Variants in ANKDD1A observed in about 807,000 individuals in gnomAD.
The protein encoded by ANKDD1A is ankyrin repeat and death domain-containing protein 1A.
A neutral mutation model predicts 63.5 loss-of-function variants in ANKDD1A; 59 were observed. The observed-to-expected ratio is 0.93, with a 90% CI of 0.75 to 1.15. The LOEUF (loss-of-function observed/expected upper bound fraction) is 1.15, where lower values mean the gene tolerates loss of function less well. Ranked by LOEUF, ANKDD1A falls within the 50% of genes most tolerant of loss-of-function variation. The probability of loss-of-function intolerance (pLI) is 0.00; values close to 1 mark genes in which losing one functional copy is unlikely to be tolerated. For synonymous variants in ANKDD1A, 266 were observed against 263.9 expected (o/e 1.01, Z -0.08); for missense variants, 632 against 656.4 (o/e 0.96, Z 0.41).
At chr15:64,943,935 G>A (rs2085204689) in intron 11 of ANKDD1A, among the ~76,000 whole-genome samples, 1 of 152,228 alleles carries the variant, frequency 6.6e-6, no homozygotes, top group Non-Finnish European at 1.5e-5. Flanking sequence ...ATGTGGGACA[G>A]GGTTTGGGGA....
rs2085083252 is a variant in ANKDD1A, at chr15:64,930,750, G to T, written c.571-72G>T. On this transcript the variant is annotated intron_variant, in intron 6 of 14. Coordinates refer to ENST00000319580, the MANE Select transcript of ANKDD1A (RefSeq NM_182703.6). Reference sequence around the variant, plus strand: ...TGGCACTGACCCAGTGTGCATGGCTGCAGCTCATCACAGGTCTGTGATTCT... The same window carrying T: ...TGGCACTGACCCAGTGTGCATGGCTTCAGCTCATCACAGGTCTGTGATTCT... The T allele has an allele frequency of 8.8e-6, 13 of 1,470,598 alleles. No individual in the cohort carries two copies. In the Admixed American group the frequency reaches 2.6e-4, roughly 29 times the overall value. 91.1% of individuals were successfully genotyped at this position (1,470,598 alleles called of 1,614,324 possible). A position where few individuals can be genotyped will look rare whatever the true frequency, so the allele number is the denominator to read the frequency against.
chr15:64,927,109 C>T (rs976227861), intron 6 of ANKDD1A, 110 bp downstream of exon 6: 3 of 1,093,114 alleles, frequency 2.7e-6, no homozygotes, highest in African/African-American at 1.5e-5. Context: ...CGCTGGAGGC[C>T]CGTGTGGCCC....
At chr15:64,952,663 C>CTCCTCCTCCTT (rs2085316379) in intron 14 of ANKDD1A, among the ~76,000 whole-genome samples, 3 of 20,630 alleles carry the variant, frequency 1.5e-4, no homozygotes, top group African/African-American at 1.0e-4. Flanking sequence ...TTCTTCTTCC[C>CTCCTCCTCCTT]CTTCTTCCTT....
chr15:64,936,435 C>CTATT (rs774944293), intron 9 of ANKDD1A, among the ~76,000 whole-genome samples: 6 of 151,994 alleles, frequency 3.9e-5, no homozygotes, highest in Admixed American at 1.3e-4. Context: ...TTTTTGCTGC[C>CTATT]TATTTATTTA....
At chr15:64,953,801 CCT>C (rs1491098315) in intron 14 of ANKDD1A, among the ~76,000 whole-genome samples, 3 of 123,724 alleles carry the variant, frequency 2.4e-5, no homozygotes, top group Non-Finnish European at 4.9e-5. Context: ...CTTTCTTCTT[CCT>C]TTTTTTCTTC....
chr15:64,957,085 T>C lies in ANKDD1A; in HGVS notation c.1484-18T>C. ...TGTTTTGTTTTGTTTTTTGAGACAG[T>C]CTTGCTCTCTCACCCAGGCTGGAGT... On this transcript the variant is annotated intron_variant, in intron 14 of 14. Transcript: ENST00000319580. 2.2e-6 allele frequency: 1 copy of C among 449,878 alleles called. No homozygotes were observed. The highest frequency in any genetic ancestry group is 1.6e-5 in the South Asian group (1 of 64,008). 27.9% of individuals were successfully genotyped at this position (449,878 alleles called of 1,614,324 possible).
intron 14 of ANKDD1A, chr15:64,951,255 G>A (rs1261034162): frequency 2.1e-6 from 2 of 955,078 alleles, no homozygotes; most frequent in African/African-American, 4.0e-5. Context: ...TTGAGCTCTT[G>A]GCACACTTTG....
intron 11 of ANKDD1A, 128 bp downstream of exon 11, chr15:64,943,710 G>A: frequency 1.2e-6 from 1 of 852,876 alleles, no homozygotes. Flanking sequence ...TTCTATACCA[G>A]CTCAAATGCA....
intron 14 of ANKDD1A, 125 bp downstream of exon 14, chr15:64,950,097 C>T: frequency 1.3e-6 from 2 of 1,504,540 alleles, no homozygotes; most frequent in Non-Finnish European, 1.8e-6. Context: ...TTCCAGATTC[C>T]TACCCCTAGC....
At chr15:64,953,911 C>T (rs1483990472) in intron 14 of ANKDD1A, among the ~76,000 whole-genome samples, 6 of 94,368 alleles carry the variant, frequency 6.4e-5, no homozygotes, top group African/African-American at 2.4e-4. Flanking sequence ...CTTCCCTCTT[C>T]TTTCTTCTCT....
At chr15:64,919,416 C>A (rs1369667002) in intron 3 of ANKDD1A, among the ~76,000 whole-genome samples, 1 of 152,188 alleles carries the variant, frequency 6.6e-6, no homozygotes, top group Non-Finnish European at 1.5e-5. Context: ...CTAGTTAAGG[C>A]CAGCTGTAGA....
At chr15:64,930,149 T>C (rs34555157) in intron 6 of ANKDD1A, among the ~76,000 whole-genome samples, 47,343 of 151,670 alleles carry the variant, frequency 0.31, 8,314 homozygotes, top group East Asian at 0.69. Flanking sequence ...CATGCAGTGC[T>C]TAATACCTAG....
At chr15:64,944,889 A>G (rs1461265604) in intron 12 of ANKDD1A, 142 bp downstream of exon 12, 1 of 755,818 alleles carries the variant, frequency 1.3e-6, no homozygotes, top group African/African-American at 1.8e-5. Flanking sequence ...CTTGTATGTT[A>G]CCACAGTTGT....
rs1040128234 is a variant in ANKDD1A, at chr15:64,958,333, C to T, written c.*1145C>T. ...AGCTATGGACTTTAGTTAATAGTAACGTGTCAATATTGGTTCATCAGTTGT... is the reference window on the plus strand; with the variant it reads ...AGCTATGGACTTTAGTTAATAGTAATGTGTCAATATTGGTTCATCAGTTGT... On this transcript the variant is annotated 3_prime_UTR_variant, in exon 15 of 15. Coordinates refer to ENST00000319580, the MANE Select transcript of ANKDD1A (RefSeq NM_182703.6). 2.6e-5 allele frequency: 4 copies of T among 152,126 alleles called. No individual in the cohort carries two copies. Among genetic ancestry groups the T allele is most frequent in the East Asian group, 1.9e-4 (1 of 5,190 alleles). The allele number at this position is 152,126 out of a possible 1,614,324, so 9.4% of individuals were successfully genotyped here.
intron 1 of ANKDD1A, 31 bp downstream of exon 1, chr15:64,911,995 G>A: frequency 4.0e-5 from 12 of 300,882 alleles, no homozygotes; most frequent in Non-Finnish European, 6.9e-5. Flanking sequence ...GAGGGGGGCG[G>A]GCCGAGGCCG....
chr15:64,945,609 TATA>T (rs1595855820), intron 12 of ANKDD1A, among the ~76,000 whole-genome samples: 1,349 of 75,218 alleles, frequency 0.018, 80 homozygotes, highest in South Asian at 0.12. Flanking sequence ...ATTTTCAACA[TATA>T]TATATATATA....
chr15:64,944,421 C>G lies in ANKDD1A; in HGVS notation c.1066-231C>G, dbSNP rs191415417. 1.1e-3 allele frequency among the ~76,000 whole-genome samples: 175 copies of G among 152,306 alleles called. 2 individuals are homozygous for G. The highest frequency in any genetic ancestry group is 2.7e-3 in the Admixed American group (42 of 15,300). Reference sequence around the variant, plus strand: ...CATAAGCTCTAGAGCTTCCTAATTTCTAAAGAAACACAAGAGGTGGTCATT... The same window carrying G: ...CATAAGCTCTAGAGCTTCCTAATTTGTAAAGAAACACAAGAGGTGGTCATT... On this transcript the variant is annotated intron_variant, in intron 11 of 14. Transcript: ENST00000319580.
chr15:64,952,184 C>T (rs1446767359), intron 14 of ANKDD1A, among the ~76,000 whole-genome samples: 3 of 148,360 alleles, frequency 2.0e-5, no homozygotes, highest in Non-Finnish European at 3.0e-5. Context: ...TTCTTTCCTT[C>T]TACTTTTTCT....
At chr15:64,953,551 C>CCTTTTCTTCTTCCTTCTA (rs1462955084) in intron 14 of ANKDD1A, among the ~76,000 whole-genome samples, 1 of 130,458 alleles carries the variant, frequency 7.7e-6, no homozygotes, top group Non-Finnish European at 1.7e-5. Context: ...TCTTCCTTCT[C>CCTTTTCTTCTTCCTTCTA]CTTCTTTCTT....
Sources: allele counts gnomAD v4.1 joint callset (sites outside exome capture counted in the v4.1 genomes callset), GRCh38; gene constraint gnomAD v4.1.1; transcripts MANE v1.5; gene names NCBI Gene and HGNC (gene_info 2026-07-23, HGNC 2026-07-21).